Variants in IQSEC1 observed in about 807,000 individuals in gnomAD.
IQSEC1 encodes IQ motif and SEC7 domain-containing protein 1.
In IQSEC1, 31 loss-of-function variants were observed where a neutral mutation model predicts 91.0. The ratio of observed to expected loss-of-function variants is 0.34; its 90% CI spans 0.26 to 0.46. The LOEUF (loss-of-function observed/expected upper bound fraction) is 0.46, where lower values mean the gene tolerates loss of function less well. Ranked by LOEUF, IQSEC1 falls within the 20% of genes least tolerant of loss-of-function variation. The pLI is 1.00. For synonymous variants in IQSEC1, 699 were observed against 662.6 expected (o/e 1.05, Z -0.84); for missense variants, 1,388 against 1,575.6 (o/e 0.88, Z 2.02).
chr3:13,218,293 A>C (rs1384955800), intron 1 of IQSEC1, among the ~76,000 whole-genome samples: 1 of 152,168 alleles, frequency 6.6e-6, no homozygotes, highest in Non-Finnish European at 1.5e-5. Context: ...AGTTGGGATC[A>C]TTTTTTAATC....
chr3:12,911,306 A>G (rs77962904), intron 10 of IQSEC1, among the ~76,000 whole-genome samples: 4,578 of 152,334 alleles, frequency 0.03, 105 homozygotes, highest in Middle Eastern at 0.075. Context: ...CATATCACCT[A>G]TGACTTAATG....
In IQSEC1 at chr3:12,900,571, A is replaced by G. The variant is rs1694150865; in HGVS notation, c.*412T>C. On this transcript the variant is annotated 3_prime_UTR_variant, in exon 14 of 14. Transcript: ENST00000613206. The stretch of plus-strand genomic sequence containing the variant: ...ATTGTCAATAAAAGAGCAATAATGC[A>G]GCAAGTTTTGGGGTTTGTTTTGTCT... The G allele has an allele frequency of 2.0e-6, 2 of 1,002,752 alleles. No individual in the cohort carries two copies. The highest frequency in any genetic ancestry group is 8.7e-5 in the South Asian group (2 of 22,908). 62.1% of individuals were successfully genotyped at this position (1,002,752 alleles called of 1,614,324 possible).
chr3:12,920,201 C>G (rs552195388), intron 6 of IQSEC1, among the ~76,000 whole-genome samples: 1 of 152,206 alleles, frequency 6.6e-6, no homozygotes. Context: ...CCCAACACCT[C>G]GAGACCCCGG....
chr3:13,025,514 G>A (rs1015602252), intron 1 of IQSEC1, among the ~76,000 whole-genome samples: 1 of 152,170 alleles, frequency 6.6e-6, no homozygotes, highest in Non-Finnish European at 1.5e-5. Context: ...GGACTGGAAG[G>A]GGTGCCCCCT....
In IQSEC1 at chr3:13,030,019, G is replaced by C. The variant is rs1161779866; in HGVS notation, c.23+42973C>G. On this transcript the variant is annotated intron_variant, in intron 1 of 13. Coordinates refer to ENST00000613206, the MANE Select transcript of IQSEC1 (RefSeq NM_001134382.3). ...AGGTCTCGCTACATTAACCAGACTG[G>C]TCTTGAACTCCTGGCCTCAAGTAAT... is the stretch of plus-strand genomic sequence containing the variant. Among the ~76,000 whole-genome samples the C allele has an allele frequency of 2.0e-5, 3 of 151,964 alleles. No homozygotes were observed. In the East Asian group the frequency reaches 5.8e-4, roughly 29 times the overall value.
intron 8 of IQSEC1, 58 bp from the exon 9 acceptor site, chr3:12,913,611 GGGC>G: frequency 1.3e-6 from 2 of 1,551,632 alleles, no homozygotes; most frequent in South Asian, 2.3e-5. Flanking sequence ...GGAGCCCTGG[GGGC>G]CGCAGTGGAG....
At chr3:13,194,785 C>T (rs982392178) in intron 1 of IQSEC1, among the ~76,000 whole-genome samples, 3 of 152,196 alleles carry the variant, frequency 2.0e-5, no homozygotes, top group African/African-American at 7.2e-5. Context: ...ACCGAGGGAC[C>T]TCCAGGCTCA....
At chr3:13,078,268 T>A (rs1471152416), upstream of IQSEC1, among the ~76,000 whole-genome samples, 2 of 152,074 alleles carry the variant, frequency 1.3e-5, no homozygotes, top group Non-Finnish European at 2.9e-5. Context: ...CAGGAGCCTG[T>A]GAGAGGCCCC....
At chr3:12,929,608 C>T (rs545978021) in intron 3 of IQSEC1, among the ~76,000 whole-genome samples, 27 of 152,204 alleles carry the variant, frequency 1.8e-4, no homozygotes, top group Non-Finnish European at 3.4e-4. Context: ...CTCTACCCTC[C>T]GGATGCCCTT....
chr3:13,006,945 G>A (rs747078200), intron 1 of IQSEC1, among the ~76,000 whole-genome samples: 24 of 152,250 alleles, frequency 1.6e-4, no homozygotes, highest in Non-Finnish European at 2.8e-4. Context: ...CATGTTTGCA[G>A]TCAAAATCAC....
rs866044862 is a variant in IQSEC1 at position 12,967,888 on chromosome 3, G to A, written c.24-26023C>T. 6.8e-3 allele frequency among the ~76,000 whole-genome samples: 997 copies of A among 146,888 alleles called. 15 individuals carry two copies. The highest frequency in any genetic ancestry group is 0.024 in the African/African-American group (910 of 37,466). ...ACACGGCGCCGCGGAAGAAGCACAG[G>A]GGGCGGGGGGTCAGGGGCGGGGCGT... is the stretch of plus-strand genomic sequence containing the variant. On this transcript the variant is annotated intron_variant, in intron 1 of 13. Coordinates refer to ENST00000613206, the MANE Select transcript of IQSEC1 (RefSeq NM_001134382.3). The surrounding 1 kb of genome is among the most constrained non-coding windows in gnomAD (Gnocchi z 5.9).
In IQSEC1 at chr3:12,922,009, TG is replaced by T; in HGVS notation, c.1853+110del. 1.5e-6 allele frequency: 2 copies of T among 1,318,722 alleles called. No individual in the cohort carries two copies. The highest frequency in any genetic ancestry group is 2.0e-6 in the Non-Finnish European group (2 of 991,500). The allele number at this position is 1,318,722 out of a possible 1,614,324, so 81.7% of individuals were successfully genotyped here. A position where few individuals can be genotyped will look rare whatever the true frequency, so the allele number is the denominator to read the frequency against. ...CCCCAAAGCAACATTCAGGGACACC[TG>T]GCCCTGTCTAGGGATGGTGGGGATG... On this transcript the variant is annotated intron_variant, in intron 5 of 13. Coordinates refer to ENST00000613206, the MANE Select transcript of IQSEC1 (RefSeq NM_001134382.3). This position sits in a 1 kb window ranked among gnomAD's most constrained non-coding sequence, Gnocchi z 5.1.
At chr3:13,044,900 GCA>G (rs1242039239) in intron 1 of IQSEC1, among the ~76,000 whole-genome samples, 1 of 152,262 alleles carries the variant, frequency 6.6e-6, no homozygotes, top group Non-Finnish European at 1.5e-5. Context: ...CACAAAAAGG[GCA>G]CAGAGTTCTG....
chr3:13,040,057 T>C (rs1279958425), intron 1 of IQSEC1, among the ~76,000 whole-genome samples: 1 of 152,204 alleles, frequency 6.6e-6, no homozygotes, highest in Non-Finnish European at 1.5e-5. Flanking sequence ...TAGCAGACAC[T>C]CACTGAGCTT....
intron 1 of IQSEC1, among the ~76,000 whole-genome samples, chr3:13,182,543 G>A (rs920992716): frequency 5.9e-5 from 9 of 152,220 alleles, no homozygotes; most frequent in African/African-American, 2.2e-4. Flanking sequence ...ATAAAGATAA[G>A]TGGTGGATAA....
intron 2 of IQSEC1, among the ~76,000 whole-genome samples, chr3:13,143,989 T>A (rs1706842949): frequency 6.6e-6 from 1 of 152,194 alleles, no homozygotes; most frequent in South Asian, 2.1e-4. Flanking sequence ...GCCCTGCAGC[T>A]GCAACAATGT....
chr3:13,054,577 G>C (rs1304688729), intron 1 of IQSEC1, among the ~76,000 whole-genome samples: 1 of 152,234 alleles, frequency 6.6e-6, no homozygotes, highest in East Asian at 1.9e-4. Flanking sequence ...CAGCAAGAAG[G>C]GAGCCTAACA....
At position 12,935,570 on chromosome 3, in the gene IQSEC1, C is replaced by T. The variant is rs752659471; in HGVS notation, c.1446G>A (p.Arg482=). Residue 482 remains arginine (R), a synonymous_variant, in exon 3 of 14, where the codon CGG becomes CGA. Transcript: ENST00000613206. This position sits in a 1 kb window ranked among gnomAD's most constrained non-coding sequence, Gnocchi z 8.0. ...SSESSSRDSL[R]EQTLSKQTYH... Reference sequence around the variant, plus strand: ...AGGTCTGCTTGCTGAGCGTCTGCTCCCGCAGGCTGTCACGGGACGATGACT... The same window carrying T: ...AGGTCTGCTTGCTGAGCGTCTGCTCTCGCAGGCTGTCACGGGACGATGACT... The T allele has an allele frequency of 3.1e-6, 5 of 1,613,982 alleles. No individual in the cohort carries two copies. The African/African-American group carries it at 6.7e-5, about 22-fold the overall frequency.
At chr3:13,226,411 T>C (rs1296427994) in intron 1 of IQSEC1, among the ~76,000 whole-genome samples, 1 of 152,146 alleles carries the variant, frequency 6.6e-6, no homozygotes, top group Admixed American at 6.5e-5. Context: ...GAGCACATAC[T>C]GTATGCCAGG....
Sources: allele counts gnomAD v4.1 joint callset (sites outside exome capture counted in the v4.1 genomes callset), GRCh38; gene constraint gnomAD v4.1.1; non-coding constraint Gnocchi (gnomAD v3.1); transcripts MANE v1.5; gene names NCBI Gene and HGNC (gene_info 2026-07-23, HGNC 2026-07-21).